HAUS8: variants seen among roughly 807,000 people sequenced by gnomAD.
HAUS8 encodes the protein HAUS augmin like complex subunit 8, also known as HAUS augmin-like complex subunit 8.
Under a neutral mutation model 42.9 loss-of-function variants are expected in HAUS8, and 38 were observed. That is an observed-to-expected ratio of 0.89 (90% CI 0.68 to 1.16). The LOEUF is 1.16. HAUS8 is among the 50% of genes most tolerant of loss of function. HAUS8 has a pLI of 0.00. For missense variants in HAUS8, 494 were observed against 511.6 expected, an observed-to-expected ratio of 0.97 and a Z score of 0.33; for synonymous variants, 199 against 205.8, an observed-to-expected ratio of 0.97 and a Z score of 0.28.
intron 4 of HAUS8, among the ~76,000 whole-genome samples, chr19:17,061,270 A>G (rs2057359095): frequency 6.6e-6 from 1 of 152,064 alleles, no homozygotes; most frequent in Admixed American, 6.5e-5. Flanking sequence ...AACTGAGAAT[A>G]CAGGCAAGTG....
intron 10 of HAUS8, 107 bp from the exon 11 acceptor site, chr19:17,050,283 T>A (rs7260259): frequency 1.3e-6 from 1 of 756,432 alleles, no homozygotes; most frequent in South Asian, 3.1e-5. Flanking sequence ...TCACATGCCC[T>A]ACGTGCTCAG....
chr19:17,058,941 G>T, intron 6 of HAUS8, 65 bp from the exon 7 acceptor site: 1 of 1,372,854 alleles, frequency 7.3e-7, no homozygotes, highest in Non-Finnish European at 1.0e-6. Flanking sequence ...TCTTTTCCCA[G>T]CAGGGGGAGA....
At chr19:17,052,465 C>A in intron 10 of HAUS8, 1 of 178,140 alleles carries the variant, frequency 5.6e-6, no homozygotes, top group Non-Finnish European at 1.1e-5. Context: ...CCTGCAGTCC[C>A]AGCTACTGAA....
intron 10 of HAUS8, chr19:17,051,549 T>C (rs553224747): frequency 7.9e-5 from 12 of 152,200 alleles, no homozygotes; most frequent in East Asian, 1.9e-4. Flanking sequence ...CTGGAAGGCA[T>C]TGAAAACACC....
intron 2 of HAUS8, 73 bp from the exon 3 acceptor site, chr19:17,069,159 C>A: frequency 7.3e-7 from 1 of 1,368,714 alleles, no homozygotes; most frequent in East Asian, 2.4e-5. Context: ...GACCCCACGC[C>A]CCGGAGACCC....
intron 2 of HAUS8, 103 bp downstream of exon 2, chr19:17,073,171 T>A (rs1385553317): frequency 3.4e-5 from 35 of 1,015,028 alleles, no homozygotes; most frequent in Admixed American, 3.5e-5. Context: ...TACAAGGAAG[T>A]AAAGCCACAG....
At chr19:17,070,224 A>T (rs553830469) in intron 2 of HAUS8, among the ~76,000 whole-genome samples, 22 of 150,850 alleles carry the variant, frequency 1.5e-4, no homozygotes, top group African/African-American at 5.1e-4. Flanking sequence ...ACCGCACCAG[A>T]ACACCTTTGG....
intron 9 of HAUS8, among the ~76,000 whole-genome samples, chr19:17,053,882 A>G (rs933664473): frequency 6.6e-6 from 1 of 151,936 alleles, no homozygotes; most frequent in Non-Finnish European, 1.5e-5. Flanking sequence ...CCAGGATGGT[A>G]TTGAACTACT....
intron 10 of HAUS8, among the ~76,000 whole-genome samples, chr19:17,051,402 G>T (rs188375755): frequency 6.6e-6 from 1 of 151,818 alleles, no homozygotes; most frequent in South Asian, 2.1e-4. Flanking sequence ...AAAAAAAAGC[G>T]GGGGGAGATC....
At chr19:17,056,110 AC>A in intron 8 of HAUS8, 108 bp from the exon 9 acceptor site, 13 of 1,033,038 alleles carry the variant, frequency 1.3e-5, no homozygotes, top group Non-Finnish European at 1.6e-5. Context: ...GTTCTTCACC[AC>A]CCCCCAGGGA....
intron 3 of HAUS8, among the ~76,000 whole-genome samples, chr19:17,063,322 G>A (rs1025997730): frequency 2.0e-5 from 3 of 152,262 alleles, no homozygotes; most frequent in Non-Finnish European, 4.4e-5. Flanking sequence ...TCACACCACT[G>A]CACCCCATCC....
intron 2 of HAUS8, 114 bp from the exon 3 acceptor site, chr19:17,069,200 C>CTCCTCTGTTCTGGTCACTG: frequency 1.1e-6 from 1 of 878,410 alleles, no homozygotes; most frequent in Non-Finnish European, 1.9e-6. Context: ...ACTCAGTGAC[C>CTCCTCTGTTCTGGTCACTG]AGAACAGAGG....
intron 9 of HAUS8, among the ~76,000 whole-genome samples, chr19:17,054,029 A>T (rs1466968958): frequency 3.3e-5 from 5 of 152,022 alleles, no homozygotes; most frequent in Non-Finnish European, 7.4e-5. Context: ...CAGAGAATGG[A>T]GGGACACGGC....
In HAUS8 at chr19:17,049,857, T is replaced by G; in HGVS notation, c.*16A>C. The G allele has an allele frequency of 6.9e-7, 1 of 1,453,622 alleles. No individual in the cohort carries two copies. The highest frequency in any genetic ancestry group is 1.6e-5 in the South Asian group (1 of 64,022). The allele number at this position is 1,453,622 out of a possible 1,614,324, so 90.0% of individuals were successfully genotyped here. A position where few individuals can be genotyped will look rare whatever the true frequency, so the allele number is the denominator to read the frequency against. ...TAGTATATAAAGTGCTCAAGTATCC[T>G]GAATGTAACCATGAGTCATGACAAG... is the stretch of plus-strand genomic sequence containing the variant. On this transcript the variant is annotated 3_prime_UTR_variant, in exon 11 of 11. Transcript: ENST00000253669.
At position 17,055,921 on chromosome 19, in the gene HAUS8, T is replaced by C. The variant is rs1187552376; in HGVS notation, c.727A>G (p.Thr243Ala). 2 of 1,614,022 alleles carry C rather than the reference T, an allele frequency of 1.2e-6. No individual in the cohort carries two copies. Among genetic ancestry groups the C allele is most frequent in the Admixed American group, 3.3e-5 (2 of 60,026 alleles). Residue 243 changes from threonine (T) to alanine (A), a missense_variant, in exon 9 of 11, where the codon ACC (threonine) becomes GCC (alanine). Thr to Ala is a moderately conservative substitution (Grantham distance 58). Transcript: ENST00000253669. ...YRTFATALDT[T>A]RHELPVRSIH... ...GACCTCACGGGCAGCTCGTGCCTGG[T>C]AGTGTCCAGGGCCGTGGCGAATGTC... is the stretch of plus-strand genomic sequence containing the variant.
chr19:17,071,901 G>A (rs549591867), intron 2 of HAUS8, among the ~76,000 whole-genome samples: 8 of 152,150 alleles, frequency 5.3e-5, no homozygotes, highest in Admixed American at 3.3e-4. Flanking sequence ...GCAGAGAATC[G>A]CTTGAACCTG....
rs150744023 is a variant in HAUS8, at chr19:17,053,976, T to G, written c.788-1010A>C. Reference sequence around the variant, plus strand: ...CCGTGCTGAGCCTGATGCAGGAAATTTCAATAACGAGACAGCCAGGGAGGA... The same window carrying G: ...CCGTGCTGAGCCTGATGCAGGAAATGTCAATAACGAGACAGCCAGGGAGGA... On this transcript the variant is annotated intron_variant, in intron 9 of 10. Transcript: ENST00000253669. Among the ~76,000 whole-genome samples, 8 of 152,058 alleles carry G rather than the reference T, an allele frequency of 5.3e-5. No individual in the cohort carries two copies. In the East Asian group the frequency reaches 1.5e-3, roughly 29 times the overall value.
intron 2 of HAUS8, among the ~76,000 whole-genome samples, chr19:17,070,499 T>C (rs1332125500): frequency 6.6e-6 from 1 of 152,210 alleles, no homozygotes; most frequent in East Asian, 1.9e-4. Flanking sequence ...ACTTGCTCTA[T>C]TCAGCCGCTC....
Position 17,059,991 on chromosome 19 carries a change from A to G in HAUS8, c.325+6T>C. 1 of 1,601,322 alleles carries G rather than the reference A, an allele frequency of 6.2e-7. No homozygotes were observed. Among genetic ancestry groups the G allele is most frequent in the Non-Finnish European group, 8.6e-7 (1 of 1,168,480 alleles). On this transcript the variant is annotated splice_donor_region_variant and intron_variant, in intron 5 of 10. Transcript: ENST00000253669. ...AGTGACAGAAGGGGTGAAACAAATG[A>G]TTTACCATTAATAGCAGAGAGATCC...
Sources: allele counts gnomAD v4.1 joint callset (sites outside exome capture counted in the v4.1 genomes callset), GRCh38; gene constraint gnomAD v4.1.1; transcripts MANE v1.5; gene names NCBI Gene and HGNC (gene_info 2026-07-23, HGNC 2026-07-21).